MCF2L: variants seen among roughly 807,000 people sequenced by gnomAD.
The protein encoded by MCF2L is guanine nucleotide exchange factor DBS.
In MCF2L, 97 loss-of-function variants were observed where a neutral mutation model predicts 153.4. The ratio of observed to expected loss-of-function variants is 0.63; its 90% CI spans 0.54 to 0.75. MCF2L has a LOEUF of 0.75. Ranked by LOEUF, MCF2L falls within the 30% of genes least tolerant of loss-of-function variation. The pLI, the probability that MCF2L is intolerant of heterozygous loss-of-function variation, is 0.00. For missense variants in MCF2L, 1,347 were observed against 1,495.2 expected (o/e 0.90, Z 1.64); for synonymous variants, 659 against 632.2 (o/e 1.04, Z -0.64).
chr13:112,921,676 A>G (rs1027560474), intron 2 of MCF2L, among the ~76,000 whole-genome samples: 4 of 152,230 alleles, frequency 2.6e-5, no homozygotes, highest in African/African-American at 9.6e-5. Context: ...ACACCCTCAA[A>G]TTCCCAGGGA....
chr13:113,048,543 G>A (rs542250115), intron 4 of MCF2L, among the ~76,000 whole-genome samples: 98 of 142,322 alleles, frequency 6.9e-4, no homozygotes, highest in African/African-American at 1.6e-3. Flanking sequence ...CCGGGTTCAC[G>A]CCATTCTCCT....
intron 1 of MCF2L, 71 bp from the exon 2 acceptor site, chr13:113,014,692 G>A: frequency 7.6e-7 from 1 of 1,317,898 alleles, no homozygotes; most frequent in South Asian, 1.2e-5. Flanking sequence ...CTCCGTGTGG[G>A]ATCGGGTGGG....
At chr13:113,007,375 G>T (rs919864061) in intron 1 of MCF2L, among the ~76,000 whole-genome samples, 2 of 152,230 alleles carry the variant, frequency 1.3e-5, no homozygotes, top group Non-Finnish European at 2.9e-5. Flanking sequence ...AACAGCGGGG[G>T]TCTAACCCCT....
intron 14 of MCF2L, 56 bp from the exon 15 acceptor site, chr13:113,078,610 G>C: frequency 6.6e-7 from 1 of 1,522,670 alleles, no homozygotes; most frequent in South Asian, 1.2e-5. Context: ...GGCCTTGAGA[G>C]TTGGCCCTTG....
intron 1 of MCF2L, among the ~76,000 whole-genome samples, chr13:113,007,394 C>A (rs183845891): frequency 6.6e-6 from 1 of 152,214 alleles, no homozygotes; most frequent in Non-Finnish European, 1.5e-5. Context: ...CTGACCCCAG[C>A]GTCCGTGTCA....
intron 1 of MCF2L, among the ~76,000 whole-genome samples, chr13:112,901,651 T>C (rs1267891055): frequency 6.6e-6 from 1 of 152,234 alleles, no homozygotes; most frequent in Non-Finnish European, 1.5e-5. Flanking sequence ...TAGTTTTCTC[T>C]TTACATTTAA....
chr13:113,025,684 CTGT>C, intron 3 of MCF2L, among the ~76,000 whole-genome samples: 3 of 104,216 alleles, frequency 2.9e-5, no homozygotes, highest in Admixed American at 1.0e-4. Context: ...TGAGATTTCC[CTGT>C]CATGGGGTCC....
At chr13:113,012,636 C>T (rs1170782787) in intron 1 of MCF2L, among the ~76,000 whole-genome samples, 3 of 104,900 alleles carry the variant, frequency 2.9e-5, no homozygotes, top group African/African-American at 7.0e-5. Flanking sequence ...GCGGTGTGGA[C>T]GGTGGACACT....
At chr13:112,968,147 G>GGC (rs1566667957), upstream of MCF2L, among the ~76,000 whole-genome samples, 1 of 147,918 alleles carries the variant, frequency 6.8e-6, no homozygotes, top group Non-Finnish European at 1.5e-5. Flanking sequence ...TGAGGTGGGG[G>GGC]GGGGGGTCTT....
At chr13:113,089,996 C>G (rs1471280392) in intron 26 of MCF2L, 2 of 1,601,352 alleles carry the variant, frequency 1.2e-6, no homozygotes, top group Non-Finnish European at 1.7e-6. Context: ...TGGGCCCTCC[C>G]TGCGACAGCC....
At chr13:112,959,357 C>T (rs1366968193) in intron 2 of MCF2L, among the ~76,000 whole-genome samples, 1 of 152,054 alleles carries the variant, frequency 6.6e-6, no homozygotes, top group Admixed American at 6.5e-5. Flanking sequence ...GAGAGTTTCT[C>T]GGACATGGTG....
chr13:112,976,945 T>A (rs558111819), intron 1 of MCF2L, among the ~76,000 whole-genome samples: 2 of 151,926 alleles, frequency 1.3e-5, no homozygotes, highest in Non-Finnish European at 2.9e-5. Flanking sequence ...CATGGGGGAG[T>A]CATCGGTTTC....
chr13:113,065,161 A>G, intron 7 of MCF2L, 76 bp downstream of exon 7: 1 of 1,553,480 alleles, frequency 6.4e-7, no homozygotes, highest in South Asian at 1.1e-5. Flanking sequence ...TCCGGTCGGA[A>G]GCTGCGGGGG....
intron 9 of MCF2L, among the ~76,000 whole-genome samples, chr13:113,073,523 C>T (rs141644290): frequency 7.5e-4 from 115 of 152,320 alleles, no homozygotes; most frequent in African/African-American, 2.6e-3. Context: ...CTACAACCCC[C>T]TTGGCACTGG....
At chr13:113,041,131 G>A (rs2086458064) in intron 3 of MCF2L, 1 of 152,260 alleles carries the variant, frequency 6.6e-6, no homozygotes, top group African/African-American at 2.4e-5. Flanking sequence ...CCCTGGGTGC[G>A]AGGGACATTT....
intron 1 of MCF2L, among the ~76,000 whole-genome samples, chr13:112,977,092 C>T (rs375947216): frequency 4.8e-4 from 73 of 152,334 alleles, no homozygotes; most frequent in African/African-American, 1.7e-3. Flanking sequence ...TTTTAAATCA[C>T]CCAACAGCTC....
chr13:113,096,134 A>G, intron 27 of MCF2L: 1 of 586,770 alleles, frequency 1.7e-6, no homozygotes, highest in Non-Finnish European at 3.0e-6. Flanking sequence ...GACCAGCGTG[A>G]GGGGCTGGGG....
chr13:112,995,371 A>G (rs903757794), intron 1 of MCF2L, among the ~76,000 whole-genome samples: 8 of 152,372 alleles, frequency 5.3e-5, no homozygotes, highest in African/African-American at 1.9e-4. Context: ...GGCAGCGCCC[A>G]GTATACCGTC....
chr13:113,073,915 C>CA (rs35586403), intron 9 of MCF2L, among the ~76,000 whole-genome samples: 36,851 of 144,578 alleles, frequency 0.25, 4,779 homozygotes, highest in Middle Eastern at 0.37. Flanking sequence ...AACTCCGTCT[C>CA]AAAAAAAAAA....
Sources: allele counts gnomAD v4.1 joint callset (sites outside exome capture counted in the v4.1 genomes callset), GRCh38; gene constraint gnomAD v4.1.1; transcripts MANE v1.5; gene names NCBI Gene and HGNC (gene_info 2026-07-23, HGNC 2026-07-21).